Variants in PARD3B observed in about 807,000 individuals in gnomAD.
The protein encoded by PARD3B is par-3 family cell polarity regulator beta.
Under a neutral mutation model 130.2 loss-of-function variants are expected in PARD3B, and 103 were observed. The ratio of observed to expected loss-of-function variants is 0.79; its 90% CI spans 0.67 to 0.93. PARD3B has a LOEUF of 0.93. PARD3B is among the 40% of genes least tolerant of loss of function. PARD3B has a pLI of 0.00. For missense variants in PARD3B, 1,609 were observed against 1,499.2 expected (o/e 1.07, Z -1.21); for synonymous variants, 583 against 553.2 (o/e 1.05, Z -0.76).
intron 20 of PARD3B, among the ~76,000 whole-genome samples, chr2:205,494,137 A>G (rs969725117): frequency 2.6e-5 from 4 of 152,168 alleles, no homozygotes; most frequent in Admixed American, 2.6e-4. Context: ...AGTGCTCACC[A>G]AAGGCCAACA....
In PARD3B at chr2:205,585,072, A is replaced by G. The variant is rs943139204; in HGVS notation, c.3261-30384A>G. Among the ~76,000 whole-genome samples, 3 of 152,162 alleles carry G rather than the reference A, an allele frequency of 2.0e-5. No homozygotes were observed. The highest frequency in any genetic ancestry group is 7.2e-5 in the African/African-American group (3 of 41,444). Reference sequence around the variant, plus strand: ...TGGGCAGAAAATGGCACCAACCAAAATGGAGGCCTGGATAGTGGAGGCGTG... The same window carrying G: ...TGGGCAGAAAATGGCACCAACCAAAGTGGAGGCCTGGATAGTGGAGGCGTG... On this transcript the variant is annotated intron_variant, in intron 22 of 22. Coordinates refer to ENST00000406610, the MANE Select transcript of PARD3B (RefSeq NM_001302769.2). This position sits in a 1 kb window ranked among gnomAD's most constrained non-coding sequence, Gnocchi z 5.4.
intron 1 of PARD3B, among the ~76,000 whole-genome samples, chr2:204,674,855 A>G (rs900499375): frequency 3.9e-5 from 6 of 152,224 alleles, no homozygotes; most frequent in Admixed American, 3.9e-4. Context: ...AAAGATGCCA[A>G]CGTTATAGCA....
intron 2 of PARD3B, among the ~76,000 whole-genome samples, chr2:204,920,479 C>A (rs750841886): frequency 6.6e-6 from 1 of 152,090 alleles, no homozygotes; most frequent in Non-Finnish European, 1.5e-5. Flanking sequence ...TACAGCTCTA[C>A]GTTTGAGGCT....
At chr2:205,152,729 A>G (rs2033847582) in intron 10 of PARD3B, among the ~76,000 whole-genome samples, 1 of 152,036 alleles carries the variant, frequency 6.6e-6, no homozygotes, top group East Asian at 1.9e-4. Context: ...GAAGTTTGTT[A>G]TTACCGATCT....
chr2:204,608,307 C>G (rs2125112960), intron 1 of PARD3B, among the ~76,000 whole-genome samples: 1 of 152,328 alleles, frequency 6.6e-6, no homozygotes, highest in Non-Finnish European at 1.5e-5. Flanking sequence ...TGGCTCTCCA[C>G]TAGCTGTTAC....
intron 21 of PARD3B, among the ~76,000 whole-genome samples, chr2:205,502,372 G>A (rs893207532): frequency 9.9e-5 from 15 of 152,144 alleles, no homozygotes; most frequent in Admixed American, 3.9e-4. Context: ...GATCACAGTC[G>A]CGTGAAGGGG....
chr2:204,917,384 C>A (rs1352589042), intron 2 of PARD3B, among the ~76,000 whole-genome samples: 2 of 152,148 alleles, frequency 1.3e-5, no homozygotes, highest in Non-Finnish European at 2.9e-5. Context: ...AGAATAGTGG[C>A]TTCTATTTTG....
intron 11 of PARD3B, among the ~76,000 whole-genome samples, chr2:205,163,044 A>C (rs537779824): frequency 1.3e-5 from 2 of 152,320 alleles, no homozygotes; most frequent in African/African-American, 4.8e-5. Flanking sequence ...TGTATACATA[A>C]CTAGAATAGT....
At chr2:204,902,001 CCTCCT>C (rs2046876496) in intron 2 of PARD3B, among the ~76,000 whole-genome samples, 1 of 152,130 alleles carries the variant, frequency 6.6e-6, no homozygotes, top group Non-Finnish European at 1.5e-5. Flanking sequence ...CTACTCTTCC[CCTCCT>C]CTCCTCAAGC....
intron 4 of PARD3B, among the ~76,000 whole-genome samples, chr2:205,100,148 C>T (rs1018509076): frequency 7.2e-5 from 11 of 151,980 alleles, no homozygotes; most frequent in South Asian, 2.1e-4. Flanking sequence ...TTTAATCTTG[C>T]GTAATGTTGA....
At chr2:205,168,566 G>T (rs1368944) in intron 11 of PARD3B, among the ~76,000 whole-genome samples, 25,652 of 151,918 alleles carry the variant, frequency 0.17, 2,300 homozygotes, top group Middle Eastern at 0.21. Flanking sequence ...ATGAGTTTTT[G>T]AATAATGAGC....
rs2030873032 is a variant in PARD3B, at chr2:205,122,557, C to T, written c.1165+608C>T. Among the ~76,000 whole-genome samples the T allele has an allele frequency of 6.6e-6, 1 of 152,214 alleles. No individual in the cohort carries two copies. The highest frequency in any genetic ancestry group is 6.5e-5 in the Admixed American group (1 of 15,280). On this transcript the variant is annotated intron_variant, in intron 8 of 22. Transcript: ENST00000406610. This position sits in a 1 kb window ranked among gnomAD's most constrained non-coding sequence, Gnocchi z 4.3. Reference sequence around the variant, plus strand: ...ACATGCATATTTATGCAGTATTCTACACACATACATAAGCATTCATGTGCT... The same window carrying T: ...ACATGCATATTTATGCAGTATTCTATACACATACATAAGCATTCATGTGCT...
chr2:205,317,071 G>A (rs570805322), intron 18 of PARD3B, among the ~76,000 whole-genome samples: 1 of 152,160 alleles, frequency 6.6e-6, no homozygotes, highest in South Asian at 2.1e-4. Flanking sequence ...CATATAAGTT[G>A]TAATATTAAA....
At chr2:205,347,945 G>A (rs1021881308) in intron 18 of PARD3B, 1 of 152,164 alleles carries the variant, frequency 6.6e-6, no homozygotes, top group East Asian at 1.9e-4. Flanking sequence ...AGATAAAAAA[G>A]GGAGGAAGCA....
intron 2 of PARD3B, among the ~76,000 whole-genome samples, chr2:204,857,279 G>A (rs2044989560): frequency 6.6e-6 from 1 of 152,028 alleles, no homozygotes; most frequent in African/African-American, 2.4e-5. Flanking sequence ...ACATTTTAGG[G>A]GAGAGCCTTC....
intron 2 of PARD3B, among the ~76,000 whole-genome samples, chr2:204,857,255 T>C (rs2044988588): frequency 6.6e-6 from 1 of 152,188 alleles, no homozygotes; most frequent in African/African-American, 2.4e-5. Context: ...CAGCAGTTCA[T>C]AAATTAGCAG....
intron 2 of PARD3B, among the ~76,000 whole-genome samples, chr2:204,706,513 G>A (rs1574763270): frequency 6.6e-6 from 1 of 152,222 alleles, no homozygotes; most frequent in East Asian, 1.9e-4. Flanking sequence ...ATGGGGTGTG[G>A]TGACCAGCCT....
rs1384232277 is a variant in PARD3B, at chr2:205,158,175, A to G, written c.1435-547A>G. Among the ~76,000 whole-genome samples, 1 of 152,208 alleles carries G rather than the reference A, an allele frequency of 6.6e-6. No individual in the cohort carries two copies. The highest frequency in any genetic ancestry group is 6.5e-5 in the Admixed American group (1 of 15,280). On this transcript the variant is annotated intron_variant, in intron 10 of 22. Transcript: ENST00000406610. The surrounding 1 kb of genome is among the most constrained non-coding windows in gnomAD (Gnocchi z 5.4). ...ATAAATCGTTTTTCTCTAACTTTAAAGTAACATCTCATTTTTACTGTGTCT... is the reference window on the plus strand; with the variant it reads ...ATAAATCGTTTTTCTCTAACTTTAAGGTAACATCTCATTTTTACTGTGTCT...
At chr2:205,127,013 AAGG>A (rs1385900489) in intron 10 of PARD3B, among the ~76,000 whole-genome samples, 2 of 151,832 alleles carry the variant, frequency 1.3e-5, no homozygotes, top group African/African-American at 2.4e-5. Flanking sequence ...GAAAATTCAA[AAGG>A]AGGACAGGTG....
Sources: gnomAD v4.1 joint callset for allele counts (sites outside exome capture counted in the v4.1 genomes callset) on GRCh38, gnomAD v4.1.1 for gene constraint, Gnocchi (gnomAD v3.1) non-coding constraint, MANE v1.5 for transcripts, NCBI Gene and HGNC (gene_info 2026-07-23, HGNC 2026-07-21) for gene names.